The following ENOX1 variants were observed in gnomAD, a reference collection of about 807,000 sequenced individuals.
The protein encoded by ENOX1 is candidate growth-related and time keeping constitutive hydroquinone (NADH) oxidase.
ENOX1 carries 42 observed loss-of-function variants against 82.5 expected under a neutral mutation model. The observed-to-expected ratio is 0.51, with a 90% CI of 0.40 to 0.66. ENOX1 has a LOEUF of 0.66. ENOX1 is among the 30% of genes least tolerant of loss of function. The pLI is 0.00. For synonymous variants in ENOX1, 271 were observed against 282.2 expected (o/e 0.96, Z 0.40); for missense variants, 608 against 811.6 (o/e 0.75, Z 3.05).
chr13:43,483,445 A>T (rs2058582364), intron 3 of ENOX1, among the ~76,000 whole-genome samples: 1 of 152,110 alleles, frequency 6.6e-6, no homozygotes, highest in Non-Finnish European at 1.5e-5. Context: ...AATTTTTCAA[A>T]CTGTTAATAC....
chr13:43,318,004 C>CAA lies in ENOX1; in HGVS notation c.1261+4378_1261+4379dup, dbSNP rs544967783. Among the ~76,000 whole-genome samples the CAA allele has an allele frequency of 4.3e-3, 556 of 129,316 alleles. 14 individuals carry two copies. In the South Asian group the frequency reaches 0.054, roughly 13 times the overall value. The allele number at this position is 129,316 out of a possible 152,430, so 84.8% of individuals were successfully genotyped here. A position where few individuals can be genotyped will look rare whatever the true frequency, so the allele number is the denominator to read the frequency against. ...TGGGTGACAGAGCAAGACTCCGTCT[C>CAA]AAAAAAAAAAAAAATTCCTTTGTAC... On this transcript the variant is annotated intron_variant, in intron 11 of 16. Transcript: ENST00000690772.
intron 3 of ENOX1, among the ~76,000 whole-genome samples, chr13:43,414,998 A>G (rs904225930): frequency 6.6e-6 from 1 of 152,334 alleles, no homozygotes; most frequent in East Asian, 1.9e-4. Flanking sequence ...TAGTGGTTAC[A>G]GTCGTATAAA....
rs138656336 is a variant in ENOX1 at position 43,614,377 on chromosome 13, C to T, written c.-219+53102G>A. On this transcript the variant is annotated intron_variant, in intron 2 of 16. Transcript: ENST00000690772. ...GCCCTGAACCCTGGAATGAAGTTAC[C>T]CCTATCTGTGTGATCAGGAACTGAA... is the stretch of plus-strand genomic sequence containing the variant. Among the ~76,000 whole-genome samples the T allele has an allele frequency of 1.6e-4, 24 of 152,174 alleles. No homozygotes were observed. In the East Asian group the frequency reaches 4.4e-3, roughly 28 times the overall value.
rs528090320 is a variant in ENOX1 at position 43,752,824 on chromosome 13, T to A, written c.-285+33828A>T. Reference sequence around the variant, plus strand: ...TTAGTCCTCCAACCTTCTTCTTTTTTAAAATTGTTTTGGCTATTCCAGGTT... The same window carrying A: ...TTAGTCCTCCAACCTTCTTCTTTTTAAAAATTGTTTTGGCTATTCCAGGTT... On this transcript the variant is annotated intron_variant, in intron 1 of 16. Transcript: ENST00000690772. Among the ~76,000 whole-genome samples, 6 of 152,270 alleles carry A rather than the reference T, an allele frequency of 3.9e-5. No homozygotes were observed. In the South Asian group the frequency reaches 1.2e-3, roughly 32 times the overall value.
At chr13:43,223,764 C>A (rs191776277) in intron 16 of ENOX1, among the ~76,000 whole-genome samples, 1 of 152,174 alleles carries the variant, frequency 6.6e-6, no homozygotes, top group Non-Finnish European at 1.5e-5. Flanking sequence ...ATTTTGGGAA[C>A]TTTCAGGTGA....
chr13:43,695,222 G>A (rs2086573122), intron 1 of ENOX1, among the ~76,000 whole-genome samples: 1 of 151,122 alleles, frequency 6.6e-6, no homozygotes, highest in South Asian at 2.1e-4. Context: ...GGTAACCCAT[G>A]ATTAGCAGAA....
intron 11 of ENOX1, among the ~76,000 whole-genome samples, chr13:43,304,338 A>C (rs1467624861): frequency 1.3e-5 from 2 of 152,082 alleles, no homozygotes; most frequent in Non-Finnish European, 2.9e-5. Flanking sequence ...TATTATTTCT[A>C]TTTTCCAGAT....
At chr13:43,398,959 A>G (rs763413490) in intron 5 of ENOX1, among the ~76,000 whole-genome samples, 5 of 150,834 alleles carry the variant, frequency 3.3e-5, no homozygotes, top group Middle Eastern at 3.4e-3. Context: ...CCATGCCCCC[A>G]CTAATTTTTT....
Position 43,334,508 on chromosome 13 carries a change from G to C in ENOX1, c.1037-7983C>G, listed in dbSNP as rs145073807. Among the ~76,000 whole-genome samples the C allele has an allele frequency of 7.4e-3, 1,121 of 152,222 alleles. 12 individuals carry two copies. The highest frequency in any genetic ancestry group is 0.025 in the African/African-American group (1,045 of 41,522). ...GAGACAACATATATATGATTGAATCGCAAGATGAGAATTGCTTAAGAGAGC... is the reference window on the plus strand; with the variant it reads ...GAGACAACATATATATGATTGAATCCCAAGATGAGAATTGCTTAAGAGAGC... On this transcript the variant is annotated intron_variant, in intron 9 of 16. Coordinates refer to ENST00000690772, the MANE Select transcript of ENOX1 (RefSeq NM_001347969.2).
At chr13:43,528,274 G>A (rs2078065456) in intron 2 of ENOX1, among the ~76,000 whole-genome samples, 1 of 152,068 alleles carries the variant, frequency 6.6e-6, no homozygotes, top group South Asian at 2.1e-4. Flanking sequence ...CTTTGCCTTA[G>A]TCCTCCAGTC....
chr13:43,543,493 G>A (rs896480326), intron 2 of ENOX1, among the ~76,000 whole-genome samples: 3 of 151,496 alleles, frequency 2.0e-5, no homozygotes, highest in East Asian at 3.9e-4. Context: ...TTCATATTAC[G>A]GTTTGTAGTA....
At chr13:43,614,565 T>C (rs1454785960) in intron 2 of ENOX1, among the ~76,000 whole-genome samples, 1 of 117,186 alleles carries the variant, frequency 8.5e-6, no homozygotes, top group Admixed American at 1.0e-4. Context: ...TTTTAGCACT[T>C]GCTTACTTGT....
At chr13:43,380,114 T>A (rs1413931741) in intron 5 of ENOX1, among the ~76,000 whole-genome samples, 1 of 151,728 alleles carries the variant, frequency 6.6e-6, no homozygotes, top group Non-Finnish European at 1.5e-5. Flanking sequence ...TCTGACATAA[T>A]AAGCTGAAAC....
rs1013345498 is a variant in ENOX1 at position 43,786,605 on chromosome 13, C to T, written c.-285+47G>A. ...GGGGTGAGACCAGAGGACCCCGGCT[C>T]GGAGCCCGGACGCCCCAGGGAGGCT... On this transcript the variant is annotated intron_variant, in intron 1 of 16. Transcript: ENST00000690772. The surrounding 1 kb of genome is among the most constrained non-coding windows in gnomAD (Gnocchi z 6.0). 3 of 152,060 alleles carry T rather than the reference C, an allele frequency of 2.0e-5. No homozygotes were observed. The highest frequency in any genetic ancestry group is 1.5e-5 in the Non-Finnish European group (1 of 68,034). The allele number at this position is 152,060 out of a possible 1,614,324, so 9.4% of individuals were successfully genotyped here.
intron 8 of ENOX1, among the ~76,000 whole-genome samples, chr13:43,351,613 T>C (rs925035743): frequency 3.1e-5 from 4 of 128,874 alleles, no homozygotes; most frequent in African/African-American, 1.2e-4. Flanking sequence ...AGTGTGATAT[T>C]CCCCTTCATG....
chr13:43,467,443 T>G (rs776794398), intron 3 of ENOX1, among the ~76,000 whole-genome samples: 1 of 152,202 alleles, frequency 6.6e-6, no homozygotes, highest in African/African-American at 2.4e-5. Context: ...TAAGGGCTAA[T>G]AATGTTGGGC....
chr13:43,293,926 A>C (rs1165621078), intron 12 of ENOX1, among the ~76,000 whole-genome samples: 1 of 152,246 alleles, frequency 6.6e-6, no homozygotes, highest in Non-Finnish European at 1.5e-5. Flanking sequence ...AAAATCACAC[A>C]TATGTTCTAC....
chr13:43,216,601 G>A (rs2041500413), intron 16 of ENOX1, among the ~76,000 whole-genome samples: 1 of 152,124 alleles, frequency 6.6e-6, no homozygotes, highest in African/African-American at 2.4e-5. Flanking sequence ...GATCATCTAT[G>A]GTGGGCTCTA....
intron 3 of ENOX1, among the ~76,000 whole-genome samples, chr13:43,448,234 G>A (rs1343910024): frequency 1.3e-5 from 2 of 152,160 alleles, no homozygotes; most frequent in African/African-American, 4.8e-5. Context: ...TGCAGGAGAG[G>A]TCATTTAATA....
Sources: gnomAD v4.1 joint callset for allele counts (sites outside exome capture counted in the v4.1 genomes callset) on GRCh38, gnomAD v4.1.1 for gene constraint, Gnocchi (gnomAD v3.1) non-coding constraint, MANE v1.5 for transcripts, NCBI Gene and HGNC (gene_info 2026-07-23, HGNC 2026-07-21) for gene names.